TXNDC9: variants seen among roughly 807,000 people sequenced by gnomAD.
The protein encoded by TXNDC9 is thioredoxin domain-containing protein 9.
A neutral mutation model predicts 23.0 loss-of-function variants in TXNDC9; 7 were observed. The observed-to-expected ratio is 0.30, with a 90% CI of 0.17 to 0.57. TXNDC9 has a LOEUF of 0.57. TXNDC9 is among the 20% of genes least tolerant of loss of function. The pLI, the probability that TXNDC9 is intolerant of heterozygous loss-of-function variation, is 0.90. For missense variants in TXNDC9, 198 were observed against 252.6 expected (o/e 0.78, Z 1.47); for synonymous variants, 72 against 90.6 (o/e 0.79, Z 1.17).
At chr2:99,325,740 GT>G (rs1270318180) in intron 3 of TXNDC9, among the ~76,000 whole-genome samples, 1 of 152,144 alleles carries the variant, frequency 6.6e-6, no homozygotes, top group East Asian at 1.9e-4. Context: ...GCCGGGTGCC[GT>G]GGCTCATACT....
chr2:99,322,747 C>A, intron 3 of TXNDC9: 1 of 1,378,982 alleles, frequency 7.3e-7, no homozygotes, highest in Non-Finnish European at 9.4e-7. Flanking sequence ...TTAAAAAATA[C>A]CAGTAGTAAC....
rs776788827 is a variant in TXNDC9 at position 99,319,670 on chromosome 2, A to G, written c.*12T>C. The stretch of plus-strand genomic sequence containing the variant: ...AGAAAAAAAAAGACAATTTACAAAG[A>G]ATTATTGAGCTCTAATCATCATCAG... On this transcript the variant is annotated 3_prime_UTR_variant, in exon 5 of 5. Transcript: ENST00000264255. The G allele has an allele frequency of 1.3e-6, 2 of 1,536,444 alleles. No homozygotes were observed. The highest frequency in any genetic ancestry group is 1.8e-6 in the Non-Finnish European group (2 of 1,131,912).
chr2:99,327,785 GTTTT>G, intron 2 of TXNDC9, 132 bp from the exon 3 acceptor site: 1 of 534,910 alleles, frequency 1.9e-6, no homozygotes, highest in Non-Finnish European at 3.2e-6. Flanking sequence ...TTTTTTGTTT[GTTTT>G]TGTTTTTTTT....
chr2:99,313,270 T>G, the TXNDC9 span, among the ~76,000 whole-genome samples: 1 of 152,160 alleles, frequency 6.6e-6, no homozygotes, highest in Admixed American at 6.5e-5. Context: ...GAGTCTTGCT[T>G]TGTTGGCCAG....
intron 3 of TXNDC9, chr2:99,322,816 C>T (rs2094205502): frequency 6.1e-6 from 6 of 984,868 alleles, no homozygotes; most frequent in Non-Finnish European, 6.6e-6. Context: ...GGCTGGAGTG[C>T]AGTGGCACAA....
At chr2:99,327,735 A>T in intron 2 of TXNDC9, 82 bp from the exon 3 acceptor site, 1 of 771,018 alleles carries the variant, frequency 1.3e-6, no homozygotes, top group Non-Finnish European at 2.1e-6. Flanking sequence ...CCAAATCACC[A>T]TCGTATTTTG....
chr2:99,314,916 G>A (rs144383700), downstream of TXNDC9, among the ~76,000 whole-genome samples: 6 of 97,104 alleles, frequency 6.2e-5, no homozygotes, highest in African/African-American at 1.7e-4. Flanking sequence ...TTTTTTTTGA[G>A]ACGGACTCTC....
intron 2 of TXNDC9, among the ~76,000 whole-genome samples, chr2:99,331,518 AAAAAAAAAG>A (rs2094225453): frequency 6.6e-6 from 1 of 151,920 alleles, no homozygotes; most frequent in Non-Finnish European, 1.5e-5. Context: ...TCAAAAAAAA[AAAAAAAAAG>A]AAAGAAAAGA....
At chr2:99,311,015 T>C in the TXNDC9 span, among the ~76,000 whole-genome samples, 3 of 152,052 alleles carry the variant, frequency 2.0e-5, no homozygotes, top group Non-Finnish European at 2.9e-5. Flanking sequence ...CACCCTGCTT[T>C]AGTTGTAATT....
downstream of TXNDC9, among the ~76,000 whole-genome samples, chr2:99,316,857 C>T (rs753366834): frequency 3.3e-5 from 5 of 152,040 alleles, no homozygotes; most frequent in African/African-American, 9.7e-5. Context: ...CCCGGGTTCA[C>T]GCCATTCTCC....
chr2:99,329,672 A>C (rs955935022), intron 2 of TXNDC9, among the ~76,000 whole-genome samples: 1 of 152,214 alleles, frequency 6.6e-6, no homozygotes, highest in African/African-American at 2.4e-5. Context: ...TGTGCCCTTA[A>C]AAAGTATTTG....
At chr2:99,318,542 G>C (rs1221371517), downstream of TXNDC9, among the ~76,000 whole-genome samples, 1 of 152,130 alleles carries the variant, frequency 6.6e-6, no homozygotes, top group Non-Finnish European at 1.5e-5. Flanking sequence ...AGAGCTACGG[G>C]TGGGGACAGT....
intron 2 of TXNDC9, among the ~76,000 whole-genome samples, chr2:99,329,022 C>T (rs1356951039): frequency 3.3e-5 from 5 of 151,984 alleles, no homozygotes; most frequent in Non-Finnish European, 5.9e-5. Context: ...GAGATAAACC[C>T]AATTCGTCTT....
At chr2:99,329,622 T>A (rs992197112) in intron 2 of TXNDC9, among the ~76,000 whole-genome samples, 2 of 152,236 alleles carry the variant, frequency 1.3e-5, no homozygotes. Context: ...CCTAATGACA[T>A]ATGACATTTC....
chr2:99,308,483 T>C, the TXNDC9 span, among the ~76,000 whole-genome samples: 15 of 152,210 alleles, frequency 9.9e-5, no homozygotes, highest in Non-Finnish European at 1.8e-4. Context: ...TATTATTTTA[T>C]ATTTGTGACT....
At chr2:99,311,260 G>C in the TXNDC9 span, among the ~76,000 whole-genome samples, 4 of 152,036 alleles carry the variant, frequency 2.6e-5, no homozygotes, top group African/African-American at 7.3e-5. Context: ...GTGGAGATGG[G>C]GTCTTCCTAT....
downstream of TXNDC9, among the ~76,000 whole-genome samples, chr2:99,314,457 T>C (rs2094183936): frequency 6.6e-6 from 1 of 151,274 alleles, no homozygotes; most frequent in South Asian, 2.1e-4. Context: ...ATGTGTTAGG[T>C]ATTATACATA....
chr2:99,317,849 T>G (rs1424559884), downstream of TXNDC9, among the ~76,000 whole-genome samples: 1 of 152,106 alleles, frequency 6.6e-6, no homozygotes, highest in Non-Finnish European at 1.5e-5. Context: ...CAGGCCCCTG[T>G]AGAGTATCTT....
At chr2:99,335,747 G>A (rs770711149) in intron 1 of TXNDC9, among the ~76,000 whole-genome samples, 1 of 152,184 alleles carries the variant, frequency 6.6e-6, no homozygotes, top group Non-Finnish European at 1.5e-5. Context: ...GGGATAACTG[G>A]AAAAAGACGA....
Sources: allele counts gnomAD v4.1 joint callset (sites outside exome capture counted in the v4.1 genomes callset), GRCh38; gene constraint gnomAD v4.1.1; transcripts MANE v1.5; gene names NCBI Gene and HGNC (gene_info 2026-07-23, HGNC 2026-07-21).